Variants in CRAT observed in about 807,000 individuals in gnomAD.
CRAT encodes the protein carnitine acetylase.
CRAT carries 66 observed loss-of-function variants against 73.7 expected under a neutral mutation model. That is an observed-to-expected ratio of 0.90 (90% CI 0.73 to 1.10). The LOEUF (loss-of-function observed/expected upper bound fraction) is 1.10, where lower values mean the gene tolerates loss of function less well. Ranked by LOEUF, CRAT falls within the 50% of genes least tolerant of loss-of-function variation. CRAT has a pLI of 0.00. For synonymous variants in CRAT, 321 were observed against 343.2 expected (o/e 0.94, Z 0.71); for missense variants, 745 against 846.9 (o/e 0.88, Z 1.49).
chr9:129,108,770 C>T (rs758766968), intron 1 of CRAT: 2 of 1,304,250 alleles, frequency 1.5e-6, no homozygotes, highest in South Asian at 1.2e-5. Context: ...TACCTTCTCT[C>T]TCTGCTGCCC....
Position 129,101,903 on chromosome 9 carries a change from G to A in CRAT, c.785C>T (p.Ala262Val), listed in dbSNP as rs746358985. The A allele has an allele frequency of 1.3e-5, 21 of 1,614,086 alleles. No individual in the cohort carries two copies. The South Asian group carries it at 2.3e-4, about 18-fold the overall frequency. ...TSNHRNSWAK[A>V]YNTLIKDKVN... ...GGCACCTTTGATGAGGGTGTTGTAT[G>A]CCTTGGCCCAGGAGTTGCGGTGGTT... The change falls in exon 6 of 14, where the codon GCA (alanine) becomes GTA (valine). Residue 262 changes from alanine to valine, a missense_variant. Transcript: ENST00000318080.
At chr9:129,108,722 C>T (rs1453774658) in intron 1 of CRAT, 1 of 1,303,776 alleles carries the variant, frequency 7.7e-7, no homozygotes, top group South Asian at 1.2e-5. Flanking sequence ...CGAGGCTGCT[C>T]TTGCAGTGGG....
Position 129,110,147 on chromosome 9 carries a change from C to T in CRAT, c.27+336G>A, listed in dbSNP as rs1036204852. Among the ~76,000 whole-genome samples, 4 of 152,164 alleles carry T rather than the reference C, an allele frequency of 2.6e-5. No individual in the cohort carries two copies. Among genetic ancestry groups the T allele is most frequent in the African/African-American group, 9.7e-5 (4 of 41,438 alleles). The stretch of plus-strand genomic sequence containing the variant: ...GACGGGTGTGTCAATCGGAGAATAA[C>T]TGGGAGAGTGAGCTAGGGTCTGGAT... On this transcript the variant is annotated intron_variant, in intron 1 of 13. Coordinates refer to ENST00000318080, the MANE Select transcript of CRAT (RefSeq NM_000755.5). This position sits in a 1 kb window ranked among gnomAD's most constrained non-coding sequence, Gnocchi z 5.3.
chr9:129,096,231 C>T, intron 12 of CRAT, 96 bp from the exon 13 acceptor site: 1 of 1,499,702 alleles, frequency 6.7e-7, no homozygotes, highest in Non-Finnish European at 9.1e-7. Context: ...TTCGCAGGCA[C>T]TGGCCACTCA....
chr9:129,102,432 G>T lies in CRAT; in HGVS notation c.598C>A (p.Pro200Thr). ...TTGTGTACCACGGTGATGTGCGTGG[G>T]AGGCTTCTTGGTCTTGCTGAAGTTG... ...VSNFSKTKKP[P>T]THITVVHNYQ... Residue 200 changes from proline to threonine, a missense_variant, in exon 5 of 14, where the codon CCC becomes ACC. By Grantham distance (38) the Pro-to-Thr change is conservative (BLOSUM62 -1). Transcript: ENST00000318080. 1 of 1,614,216 alleles carries T rather than the reference G, an allele frequency of 6.2e-7. No homozygotes were observed. Among genetic ancestry groups the T allele is most frequent in the East Asian group, 2.2e-5 (1 of 44,880 alleles).
intron 13 of CRAT, 144 bp from the exon 14 acceptor site, chr9:129,095,756 A>G: frequency 1.1e-6 from 1 of 947,232 alleles, no homozygotes. Context: ...AGCAACCACT[A>G]CAGGCTGGCA....
Position 129,110,380 on chromosome 9 carries a change from G to A in CRAT, c.27+103C>T, listed in dbSNP as rs983616388. 1.4e-5 allele frequency: 18 copies of A among 1,245,446 alleles called. No individual in the cohort carries two copies. The Admixed American group carries it at 3.0e-4, about 21-fold the overall frequency. The allele number at this position is 1,245,446 out of a possible 1,614,324, so 77.1% of individuals were successfully genotyped here. On this transcript the variant is annotated intron_variant, in intron 1 of 13. Coordinates refer to ENST00000318080, the MANE Select transcript of CRAT (RefSeq NM_000755.5). The surrounding 1 kb of genome is among the most constrained non-coding windows in gnomAD (Gnocchi z 5.3). Reference sequence around the variant, plus strand: ...GACCCCACCCCATCAGCTGGAGGCCGGGTCGAACAGCGGCCGCAGGACGCG... The same window carrying A: ...GACCCCACCCCATCAGCTGGAGGCCAGGTCGAACAGCGGCCGCAGGACGCG...
intron 2 of CRAT, among the ~76,000 whole-genome samples, chr9:129,104,813 C>A (rs752692949): frequency 1.3e-5 from 2 of 151,382 alleles, no homozygotes; most frequent in Admixed American, 6.6e-5. Flanking sequence ...ACCGTGTTAG[C>A]CAGGATGGTC....
chr9:129,105,251 T>C (rs1289816532), intron 2 of CRAT, among the ~76,000 whole-genome samples: 1 of 151,742 alleles, frequency 6.6e-6, no homozygotes, highest in Non-Finnish European at 1.5e-5. Context: ...ATGACTGTCA[T>C]ATGTTAAATT....
intron 1 of CRAT, chr9:129,109,312 A>G (rs899114305): frequency 1.0e-5 from 13 of 1,296,116 alleles, no homozygotes; most frequent in Non-Finnish European, 1.3e-5. Flanking sequence ...AGCAGACACC[A>G]GGAAAAGGCC....
chr9:129,100,774 C>T (rs544167513), intron 6 of CRAT, 85 bp from the exon 7 acceptor site: 3 of 1,467,694 alleles, frequency 2.0e-6, no homozygotes, highest in South Asian at 1.3e-5. Context: ...GCCTCCTGCC[C>T]TGGGCTCTTC....
chr9:129,095,686 T>G, intron 13 of CRAT, 74 bp from the exon 14 acceptor site: 1 of 1,470,576 alleles, frequency 6.8e-7, no homozygotes. Context: ...TGCCTGTGCT[T>G]CCGCCAAGAC....
Position 129,107,558 on chromosome 9 carries a change from T to G in CRAT, c.291+256A>C. On this transcript the variant is annotated intron_variant, in intron 2 of 13. Transcript: ENST00000318080. The surrounding 1 kb of genome is among the most constrained non-coding windows in gnomAD (Gnocchi z 5.0). ...CTGCCGTGCACCCCACTCCTGCCTC[T>G]GTCCTGGAACATGAAACCTTGTCCA... 1 of 670,624 alleles carries G rather than the reference T, an allele frequency of 1.5e-6. No homozygotes were observed. Among genetic ancestry groups the G allele is most frequent in the Non-Finnish European group, 2.7e-6 (1 of 365,144 alleles). 41.5% of individuals were successfully genotyped at this position (670,624 alleles called of 1,614,324 possible).
In CRAT at chr9:129,095,727, C is replaced by T. The variant is rs561817419; in HGVS notation, c.1666-115G>A. On this transcript the variant is annotated intron_variant, in intron 13 of 13. Coordinates refer to ENST00000318080, the MANE Select transcript of CRAT (RefSeq NM_000755.5). ...GCCCCTTGTGGGCAGGGATCATGGT[C>T]TGTCCCCTGCTATATCCCAGCAACC... is the stretch of plus-strand genomic sequence containing the variant. 34 of 1,097,430 alleles carry T rather than the reference C, an allele frequency of 3.1e-5. No individual in the cohort carries two copies. The African/African-American group carries it at 4.7e-4, about 15-fold the overall frequency. 68.0% of individuals were successfully genotyped at this position (1,097,430 alleles called of 1,614,324 possible).
Position 129,100,679 on chromosome 9 carries a change from G to T in CRAT, c.816C>A (p.Asn272Lys). ...TCTGGATGGAGCGCACGGAATCCCGGTTCACCTTGTCTGCAGGTGGCATGG... is the reference window on the plus strand; with the variant it reads ...TCTGGATGGAGCGCACGGAATCCCGTTTCACCTTGTCTGCAGGTGGCATGG... ...AYNTLIKDKV[N>K]RDSVRSIQKS... The change falls in exon 7 of 14, where the codon AAC (asparagine) becomes AAA (lysine). Residue 272 changes from asparagine to lysine, a missense_variant. Coordinates refer to ENST00000318080, the MANE Select transcript of CRAT (RefSeq NM_000755.5). The T allele has an allele frequency of 6.2e-7, 1 of 1,613,414 alleles. No homozygotes were observed. The highest frequency in any genetic ancestry group is 8.5e-7 in the Non-Finnish European group (1 of 1,179,588).
At chr9:129,109,016 G>A in intron 1 of CRAT, 15 of 1,229,088 alleles carry the variant, frequency 1.2e-5, no homozygotes, top group Non-Finnish European at 1.6e-5. Context: ...GACTCTAGAA[G>A]CTGCTCCACC....
Position 129,095,586 on chromosome 9 carries a change from C to T in CRAT, c.1692G>A (p.Met564Ile), listed in dbSNP as rs775948938. 4.0e-5 allele frequency: 64 copies of T among 1,613,062 alleles called. No individual in the cohort carries two copies. The highest frequency in any genetic ancestry group is 5.4e-5 in the Non-Finnish European group (64 of 1,179,978). ...CGTCGGGGACCACGGGCCCGAAGAA[C>T]ATGACACAGTCTGTCTTGGCAGGGA... ...SQVPAKTDCV[M>I]FFGPVVPDGY... The change falls in exon 14 of 14, where the codon ATG becomes ATA. Residue 564 changes from methionine to isoleucine, a missense_variant. Transcript: ENST00000318080.
intron 12 of CRAT, 132 bp from the exon 13 acceptor site, chr9:129,096,267 C>T: frequency 1.7e-6 from 2 of 1,154,636 alleles, no homozygotes; most frequent in South Asian, 1.4e-5. Context: ...AGTATTCTGG[C>T]CAGAGAGAGC....
chr9:129,095,432 C>CA lies in CRAT; in HGVS notation c.1845dup (p.Ala616CysfsTer15). 6.2e-7 allele frequency: 1 copy of CA among 1,612,716 alleles called. No individual in the cohort carries two copies. Among genetic ancestry groups the CA allele is most frequent in the South Asian group, 1.1e-5 (1 of 91,078 alleles). On this transcript the variant is annotated frameshift_variant, in exon 14 of 14. Transcript: ENST00000318080. LOFTEE classifies it high-confidence loss of function. ...GCCCGGGGGTGGCTCTGCAGCAGGG[C>CA]ACGCATGTCCAGGAGCGCCTTCTCC...
Sources: allele counts gnomAD v4.1 joint callset (sites outside exome capture counted in the v4.1 genomes callset), GRCh38; gene constraint gnomAD v4.1.1; non-coding constraint Gnocchi (gnomAD v3.1); transcripts MANE v1.5; gene names NCBI Gene and HGNC (gene_info 2026-07-23, HGNC 2026-07-21).